VTA1: variants seen among roughly 807,000 people sequenced by gnomAD.
VTA1 encodes vacuolar protein sorting-associated protein VTA1 homolog.
In VTA1, 24 loss-of-function variants were observed where a neutral mutation model predicts 36.9. The ratio of observed to expected loss-of-function variants is 0.65; its 90% CI spans 0.47 to 0.91. VTA1 has a LOEUF of 0.91. Among genes scored for constraint, VTA1 ranks in the 40% least tolerant of loss-of-function variants. The pLI, the probability that VTA1 is intolerant of heterozygous loss-of-function variation, is 0.00. For missense variants in VTA1, 393 were observed against 377.2 expected (o/e 1.04, Z -0.35); for synonymous variants, 142 against 130.2 (o/e 1.09, Z -0.62).
chr6:142,202,066 T>C (rs1404806002), intron 6 of VTA1, among the ~76,000 whole-genome samples: 2 of 151,982 alleles, frequency 1.3e-5, no homozygotes, highest in Non-Finnish European at 2.9e-5. Context: ...ATGAATGATA[T>C]ATGTAATCTA....
At chr6:142,173,493 TCTC>T (rs1220781057) in intron 4 of VTA1, among the ~76,000 whole-genome samples, 1 of 152,166 alleles carries the variant, frequency 6.6e-6, no homozygotes, top group African/African-American at 2.4e-5. Context: ...ATGGTCTTGA[TCTC>T]CTGATCTCGT....
rs971574124 is a variant in VTA1, at chr6:142,220,703, ATGTT to A, written c.*2065_*2068del. The A allele has an allele frequency of 2.6e-5, 4 of 152,140 alleles. No homozygotes were observed. The highest frequency in any genetic ancestry group is 4.4e-5 in the Non-Finnish European group (3 of 68,026). 9.4% of individuals were successfully genotyped at this position (152,140 alleles called of 1,614,324 possible). ...TTGCATGAGGGGATTGAACTATACA[ATGTT>A]TGTTAACTTTGTATTTGTATTTTTT... is the stretch of plus-strand genomic sequence containing the variant. On this transcript the variant is annotated 3_prime_UTR_variant, in exon 8 of 8. Coordinates refer to ENST00000367630, the MANE Select transcript of VTA1 (RefSeq NM_016485.5).
intron 4 of VTA1, 92 bp downstream of exon 4, chr6:142,170,513 A>C: frequency 2.4e-6 from 2 of 838,544 alleles, no homozygotes; most frequent in Middle Eastern, 3.3e-4. Context: ...TTACAGCAGA[A>C]TGTCTGTCAG....
At chr6:142,152,455 G>A (rs894453879) in intron 1 of VTA1, among the ~76,000 whole-genome samples, 10 of 151,560 alleles carry the variant, frequency 6.6e-5, no homozygotes, top group Non-Finnish European at 1.3e-4. Context: ...GGATTTGGGG[G>A]GATTGTTTTT....
At chr6:142,203,943 G>T (rs766540979) in intron 6 of VTA1, 42 bp from the exon 7 acceptor site, 2 of 1,520,814 alleles carry the variant, frequency 1.3e-6, no homozygotes, top group Non-Finnish European at 1.8e-6. Flanking sequence ...TAATTAAAAG[G>T]TGTAATACTT....
intron 6 of VTA1, among the ~76,000 whole-genome samples, chr6:142,200,524 C>A (rs578254617): frequency 2.0e-5 from 3 of 151,936 alleles, no homozygotes; most frequent in Non-Finnish European, 4.4e-5. Context: ...TAGGTACACT[C>A]TATGAGTATA....
chr6:142,204,874 G>T (rs1188805082), intron 7 of VTA1, among the ~76,000 whole-genome samples: 2 of 150,266 alleles, frequency 1.3e-5, no homozygotes, highest in South Asian at 2.1e-4. Flanking sequence ...ACAGGTGTGC[G>T]CCACCACACC....
Position 142,218,684 on chromosome 6 carries a change from A to G in VTA1, c.*41A>G. ...GACCCATGTATTTTTGGCATGAGGA[A>G]CTAACAGTCCATTACTCTATCTTCA... On this transcript the variant is annotated 3_prime_UTR_variant, in exon 8 of 8. Transcript: ENST00000367630. 6.3e-7 allele frequency: 1 copy of G among 1,577,542 alleles called. No individual in the cohort carries two copies. The highest frequency in any genetic ancestry group is 8.6e-7 in the Non-Finnish European group (1 of 1,166,854).
At chr6:142,162,057 C>A (rs1312795349) in intron 1 of VTA1, among the ~76,000 whole-genome samples, 6 of 151,916 alleles carry the variant, frequency 3.9e-5, no homozygotes, top group Non-Finnish European at 7.4e-5. Flanking sequence ...TGCACACAAA[C>A]TAAGAAAAAA....
At chr6:142,184,604 G>C (rs904111818) in intron 4 of VTA1, among the ~76,000 whole-genome samples, 7 of 152,090 alleles carry the variant, frequency 4.6e-5, no homozygotes, top group African/African-American at 1.7e-4. Context: ...ACTTAGCCTT[G>C]GAGGAAAAGA....
rs566208179 is a variant in VTA1, at chr6:142,170,274, T to C, written c.336-72T>C. Reference sequence around the variant, plus strand: ...TTATAAAGATAGGAATTTTTTTTCTTATAGCTAAATGACAAAACTACATTT... The same window carrying C: ...TTATAAAGATAGGAATTTTTTTTCTCATAGCTAAATGACAAAACTACATTT... On this transcript the variant is annotated intron_variant, in intron 3 of 7. Coordinates refer to ENST00000367630, the MANE Select transcript of VTA1 (RefSeq NM_016485.5). 48 of 1,146,936 alleles carry C rather than the reference T, an allele frequency of 4.2e-5. No homozygotes were observed. In the South Asian group the frequency reaches 6.1e-4, roughly 15 times the overall value. The allele number at this position is 1,146,936 out of a possible 1,614,324, so 71.0% of individuals were successfully genotyped here. A position where few individuals can be genotyped will look rare whatever the true frequency, so the allele number is the denominator to read the frequency against.
In VTA1 at chr6:142,221,760, AAT is replaced by A. The variant is rs1387787337; in HGVS notation, c.*3123_*3124del. 6.7e-6 allele frequency: 1 copy of A among 148,372 alleles called. No individual in the cohort carries two copies. The highest frequency in any genetic ancestry group is 1.5e-5 in the Non-Finnish European group (1 of 67,304). The allele number at this position is 148,372 out of a possible 1,614,324, so 9.2% of individuals were successfully genotyped here. A position where few individuals can be genotyped will look rare whatever the true frequency, so the allele number is the denominator to read the frequency against. Reference sequence around the variant, plus strand: ...CTGAGGTCAGGAGTATATATTTATTAATATATAAATATGTATTTATATATAAA... The same window carrying A: ...CTGAGGTCAGGAGTATATATTTATTAATATAAATATGTATTTATATATAAA... On this transcript the variant is annotated 3_prime_UTR_variant, in exon 8 of 8. Coordinates refer to ENST00000367630, the MANE Select transcript of VTA1 (RefSeq NM_016485.5).
chr6:142,193,158 A>G (rs906772509), intron 5 of VTA1, among the ~76,000 whole-genome samples: 1 of 152,104 alleles, frequency 6.6e-6, no homozygotes, highest in Non-Finnish European at 1.5e-5. Flanking sequence ...TTTGAAAAGT[A>G]CAGTTACTTT....
chr6:142,208,381 TACACAGTC>T (rs1334935142), intron 7 of VTA1, among the ~76,000 whole-genome samples: 2 of 151,178 alleles, frequency 1.3e-5, no homozygotes, highest in Non-Finnish European at 2.9e-5. Context: ...TATTTGAAAA[TACACAGTC>T]AGAAGAAGGA....
At chr6:142,203,762 C>T (rs905673873) in intron 6 of VTA1, among the ~76,000 whole-genome samples, 7 of 151,980 alleles carry the variant, frequency 4.6e-5, no homozygotes, top group East Asian at 1.9e-4. Context: ...AGAAGTAATG[C>T]GAAGCATTAG....
intron 5 of VTA1, among the ~76,000 whole-genome samples, chr6:142,197,979 C>T (rs1403467624): frequency 6.6e-6 from 1 of 150,494 alleles, no homozygotes; most frequent in Non-Finnish European, 1.5e-5. Context: ...CGCCTGTAGT[C>T]CCAGCTACTC....
intron 1 of VTA1, among the ~76,000 whole-genome samples, chr6:142,156,610 A>C (rs1469505304): frequency 6.6e-6 from 1 of 152,136 alleles, no homozygotes; most frequent in Non-Finnish European, 1.5e-5. Context: ...ATAAAATTTC[A>C]AGTTTCAATT....
At chr6:142,169,781 G>A in intron 3 of VTA1, 104 bp downstream of exon 3, 1 of 1,090,758 alleles carries the variant, frequency 9.2e-7, no homozygotes, top group South Asian at 2.5e-5. Context: ...GATTGATTTA[G>A]GTTTTTTTAG....
intron 5 of VTA1, among the ~76,000 whole-genome samples, chr6:142,196,503 A>G (rs1562266276): frequency 1.3e-5 from 2 of 152,106 alleles, no homozygotes; most frequent in East Asian, 1.9e-4. Context: ...ATTTACATTT[A>G]ATGTAATTGC....
Sources: allele counts gnomAD v4.1 joint callset (sites outside exome capture counted in the v4.1 genomes callset), GRCh38; gene constraint gnomAD v4.1.1; transcripts MANE v1.5; gene names NCBI Gene and HGNC (gene_info 2026-07-23, HGNC 2026-07-21).